The following ELMO2 variants were observed in gnomAD, a reference collection of about 807,000 sequenced individuals.
The protein encoded by ELMO2 is engulfment and cell motility 2.
A neutral mutation model predicts 96.2 loss-of-function variants in ELMO2; 37 were observed. That is an observed-to-expected ratio of 0.38 (90% confidence interval 0.30 to 0.51). The LOEUF is 0.51. ELMO2 is among the 20% of genes least tolerant of loss of function. The pLI is 0.88. For missense variants in ELMO2, 561 were observed against 912.6 expected (o/e 0.61, Z 4.96); for synonymous variants, 315 against 329.4 (o/e 0.96, Z 0.47).
chr20:46,393,581 T>C lies in ELMO2; in HGVS notation c.140A>G (p.Glu47Gly). 6.2e-7 allele frequency: 1 copy of C among 1,613,920 alleles called. No homozygotes were observed. Among genetic ancestry groups the C allele is most frequent in the South Asian group, 1.1e-5 (1 of 91,058 alleles). The change falls in exon 5 of 22, where the codon GAG becomes GGG. Residue 47 changes from glutamate (E) to glycine (G), a missense_variant. By Grantham distance (98) the Glu-to-Gly change is moderately conservative. Transcript: ENST00000290246. ...ATCTGCATAACGGAGGGTATAATAC[T>C]CTGGGTTTGGCAACGACCACCTATG... ...VCDGWSLPNP[E>G]YYTLRYADGP...
intron 21 of ELMO2, among the ~76,000 whole-genome samples, chr20:46,368,635 T>C (rs1440005637): frequency 2.6e-5 from 4 of 152,218 alleles, no homozygotes; most frequent in African/African-American, 4.8e-5. Context: ...AGCCACCCAA[T>C]GCGCCTGGAG....
intron 10 of ELMO2, among the ~76,000 whole-genome samples, chr20:46,382,046 A>G (rs1279786035): frequency 6.6e-6 from 1 of 152,188 alleles, no homozygotes; most frequent in African/African-American, 2.4e-5. Flanking sequence ...AATCTGCAGT[A>G]CTTCCCTAAG....
At chr20:46,373,367 C>CGTGGGCCTCAGA in intron 16 of ELMO2, 32 bp downstream of exon 16, 1 of 1,612,862 alleles carries the variant, frequency 6.2e-7, no homozygotes, top group Non-Finnish European at 8.5e-7. Context: ...GGTCTCCTCC[C>CGTGGGCCTCAGA]GTGGGCCTCA....
chr20:46,383,670 T>C (rs1259176330), intron 9 of ELMO2, among the ~76,000 whole-genome samples, 176 bp from the exon 10 acceptor site: 1 of 152,174 alleles, frequency 6.6e-6, no homozygotes, highest in Non-Finnish European at 1.5e-5. Flanking sequence ...CTAATAGGAA[T>C]TTATCCTAAG....
chr20:46,389,280 G>A, intron 6 of ELMO2, 60 bp from the exon 7 acceptor site: 1 of 1,548,364 alleles, frequency 6.5e-7, no homozygotes, highest in African/African-American at 1.4e-5. Context: ...ACTACTCTGT[G>A]GATAGCTCAC....
rs961074456 is a variant in ELMO2 at position 46,371,281 on chromosome 20, C to G, written c.1801+71G>C. The G allele has an allele frequency of 6.1e-6, 9 of 1,468,614 alleles. No homozygotes were observed. Among genetic ancestry groups the G allele is most frequent in the Non-Finnish European group, 8.5e-6 (9 of 1,053,552 alleles). The allele number at this position is 1,468,614 out of a possible 1,614,324, so 91.0% of individuals were successfully genotyped here. A position where few individuals can be genotyped will look rare whatever the true frequency, so the allele number is the denominator to read the frequency against. ...ACAAGCCCAGATGATCAGCTACAAA[C>G]AGCTGGACTAGAACTCCTGTCTCCT... On this transcript the variant is annotated intron_variant, in intron 19 of 21. Transcript: ENST00000290246. The surrounding 1 kb of genome is among the most constrained non-coding windows in gnomAD (Gnocchi z 5.9).
intron 1 of ELMO2, among the ~76,000 whole-genome samples, chr20:46,403,722 G>A (rs916065737): frequency 1.3e-5 from 2 of 152,084 alleles, no homozygotes; most frequent in East Asian, 3.9e-4. Flanking sequence ...GACATACACC[G>A]CCCAATCACC....
chr20:46,379,361 C>T (rs2059916655), intron 11 of ELMO2, among the ~76,000 whole-genome samples: 1 of 152,126 alleles, frequency 6.6e-6, no homozygotes, highest in South Asian at 2.1e-4. Flanking sequence ...CACCTCCCAA[C>T]ATCAGCCCTA....
At chr20:46,372,077 G>A in intron 16 of ELMO2, 108 bp from the exon 17 acceptor site, 2 of 1,408,942 alleles carry the variant, frequency 1.4e-6, no homozygotes, top group Non-Finnish European at 2.0e-6. Context: ...GAGCAGGGCA[G>A]GCACTACAGA....
chr20:46,374,227 C>A, intron 15 of ELMO2, 105 bp downstream of exon 15: 1 of 830,390 alleles, frequency 1.2e-6, no homozygotes. Context: ...CAGGTGTGAA[C>A]CACCACGCCC....
Position 46,373,456 on chromosome 20 carries a change from G to A in ELMO2, c.1359C>T (p.Ile453=), listed in dbSNP as rs1245462339. The A allele has an allele frequency of 6.2e-7, 1 of 1,614,082 alleles. No individual in the cohort carries two copies. The highest frequency in any genetic ancestry group is 8.5e-7 in the Non-Finnish European group (1 of 1,180,052). ...RAFEELFGIC[I]QLLNKTWKEM... ...CCTTCCAGGTCTTGTTCAACAGCTG[G>A]ATGCAGATTCCAAAGAGCTCTTCAA... The change falls in exon 16 of 22, where the codon ATC becomes ATT. Residue 453 remains isoleucine (I), a synonymous_variant. Coordinates refer to ENST00000290246, the MANE Select transcript of ELMO2 (RefSeq NM_133171.5).
chr20:46,380,412 T>A, intron 10 of ELMO2, 109 bp from the exon 11 acceptor site: 1 of 866,432 alleles, frequency 1.2e-6, no homozygotes, highest in Non-Finnish European at 1.9e-6. Flanking sequence ...CTTTCTTAAA[T>A]TTTTTTCCTC....
At chr20:46,378,027 C>T (rs1208872057) in intron 11 of ELMO2, among the ~76,000 whole-genome samples, 1 of 152,170 alleles carries the variant, frequency 6.6e-6, no homozygotes, top group Non-Finnish European at 1.5e-5. Flanking sequence ...TCACTCTTCT[C>T]CCTAATTTAT....
chr20:46,401,264 C>G (rs1308345618), intron 1 of ELMO2, among the ~76,000 whole-genome samples: 1 of 152,164 alleles, frequency 6.6e-6, no homozygotes, highest in Non-Finnish European at 1.5e-5. Context: ...CGATCAGACT[C>G]TGAGGTACAG....
Position 46,396,155 on chromosome 20 carries a change from C to T in ELMO2, c.-50-1623G>A, listed in dbSNP as rs189543889. ...TGTAATTTTTATGTGCCTAGACACACGACAAACCTCAGAAAAGAAACTGGC... is the reference window on the plus strand; with the variant it reads ...TGTAATTTTTATGTGCCTAGACACATGACAAACCTCAGAAAAGAAACTGGC... On this transcript the variant is annotated intron_variant, in intron 2 of 21. Transcript: ENST00000290246. Among the ~76,000 whole-genome samples the T allele has an allele frequency of 1.1e-4, 17 of 152,306 alleles. No homozygotes were observed. In the East Asian group the frequency reaches 3.1e-3, roughly 28 times the overall value.
chr20:46,393,645 G>A (rs778163216), intron 4 of ELMO2, 44 bp from the exon 5 acceptor site: 9 of 1,592,848 alleles, frequency 5.7e-6, no homozygotes, highest in Non-Finnish European at 7.7e-6. Context: ...CCACTCTCTT[G>A]TTCAGAAGCT....
intron 1 of ELMO2, among the ~76,000 whole-genome samples, chr20:46,402,485 G>A (rs1437212372): frequency 6.6e-6 from 1 of 152,230 alleles, no homozygotes; most frequent in Non-Finnish European, 1.5e-5. Context: ...TTGGAAATGA[G>A]AGGAAACAGA....
chr20:46,370,592 C>T (rs2059682879), intron 19 of ELMO2, 67 bp from the exon 20 acceptor site: 1 of 1,473,690 alleles, frequency 6.8e-7, no homozygotes, highest in Non-Finnish European at 9.4e-7. Context: ...TACATCAGTG[C>T]TGGAAGGGAG....
At chr20:46,386,553 A>G (rs1221169943) in intron 8 of ELMO2, among the ~76,000 whole-genome samples, 1 of 152,218 alleles carries the variant, frequency 6.6e-6, no homozygotes, top group Non-Finnish European at 1.5e-5. Context: ...CAGTTTGAGA[A>G]AGTGGGGTAT....
Sources: allele counts gnomAD v4.1 joint callset (sites outside exome capture counted in the v4.1 genomes callset), GRCh38; gene constraint gnomAD v4.1.1; non-coding constraint Gnocchi (gnomAD v3.1); transcripts MANE v1.5; gene names NCBI Gene and HGNC (gene_info 2026-07-23, HGNC 2026-07-21).